Variants in EIF4B observed in about 807,000 individuals in gnomAD.
EIF4B encodes eukaryotic translation initiation factor 4B.
EIF4B carries 8 observed loss-of-function variants against 79.3 expected under a neutral mutation model. That is an observed-to-expected ratio of 0.10 (90% CI 0.06 to 0.18). The LOEUF is 0.18. EIF4B is among the 10% of genes least tolerant of loss of function. The pLI, the probability that EIF4B is intolerant of heterozygous loss-of-function variation, is 1.00. For synonymous variants in EIF4B, 238 were observed against 274.7 expected (o/e 0.87, Z 1.32); for missense variants, 515 against 792.4 (o/e 0.65, Z 4.20).
chr12:53,038,085 C>G (rs1156276289), intron 11 of EIF4B: 1 of 273,504 alleles, frequency 3.7e-6, no homozygotes. Flanking sequence ...TGTGCCATTG[C>G]ACTCCAGCCT....
chr12:53,031,329 T>C (rs1391893188), intron 8 of EIF4B, among the ~76,000 whole-genome samples: 2 of 152,222 alleles, frequency 1.3e-5, no homozygotes, highest in African/African-American at 4.8e-5. Context: ...AGGCTAGAAT[T>C]GCTGTGACAT....
chr12:53,011,374 TC>T (rs1362972123), intron 1 of EIF4B, among the ~76,000 whole-genome samples: 5 of 152,276 alleles, frequency 3.3e-5, no homozygotes, highest in African/African-American at 1.2e-4. Context: ...GACTAACAAT[TC>T]CTTTTCATTT....
Position 53,018,970 on chromosome 12 carries a change from A to G in EIF4B, c.324A>G (p.Thr108=), listed in dbSNP as rs1477604838. 6.2e-7 allele frequency: 1 copy of G among 1,614,010 alleles called. No individual in the cohort carries two copies. The highest frequency in any genetic ancestry group is 1.7e-5 in the Admixed American group (1 of 60,002). ...AFLGNLPYDV[T]EESIKEFFRG... ...TAGGAAACCTACCCTATGATGTTAC[A>G]GAAGAGTCAATTAAGGAATTCTTTC... is the stretch of plus-strand genomic sequence containing the variant. The change falls in exon 3 of 15, where the codon ACA becomes ACG. Residue 108 remains threonine (T), a synonymous_variant. Coordinates refer to ENST00000262056, the MANE Select transcript of EIF4B (RefSeq NM_001417.7).
chr12:53,038,314 C>G lies in EIF4B; in HGVS notation c.1521-42C>G, dbSNP rs780086724. The stretch of plus-strand genomic sequence containing the variant: ...GATTATGTTTCTTGGTTGTTTTCTC[C>G]CTGAAACAACTGATGAATGTGATTA... On this transcript the variant is annotated intron_variant, in intron 11 of 14. Transcript: ENST00000262056. 15 of 1,536,018 alleles carry G rather than the reference C, an allele frequency of 9.8e-6. No homozygotes were observed. In the Admixed American group the frequency reaches 2.9e-4, roughly 30 times the overall value.
In EIF4B at chr12:53,037,572, C is replaced by G. The variant is rs768590668; in HGVS notation, c.1470C>G (p.Asn490Lys). ...ATGCTTGGGTGAAGCGAAGTTCTAA[C>G]CCTCCTGCTCGATCTCAGAGCTCAG... is the stretch of plus-strand genomic sequence containing the variant. ...KENAWVKRSS[N>K]PPARSQSSDT... is the part of the protein sequence containing the mutation. Residue 490 changes from asparagine (N) to lysine (K), a missense_variant, in exon 11 of 15, where the codon AAC (asparagine) becomes AAG (lysine). Coordinates refer to ENST00000262056, the MANE Select transcript of EIF4B (RefSeq NM_001417.7). 6.2e-7 allele frequency: 1 copy of G among 1,614,006 alleles called. No individual in the cohort carries two copies.
At chr12:53,028,240 G>A (rs745698077) in intron 8 of EIF4B, 52 bp downstream of exon 8, 47 of 1,524,472 alleles carry the variant, frequency 3.1e-5, no homozygotes, top group East Asian at 2.0e-4. Flanking sequence ...GGAAAACTAC[G>A]GAAAATTTGT....
intron 1 of EIF4B, among the ~76,000 whole-genome samples, chr12:53,009,708 A>G (rs1943031132): frequency 6.6e-6 from 1 of 152,188 alleles, no homozygotes; most frequent in Non-Finnish European, 1.5e-5. Flanking sequence ...TATATTGCTT[A>G]CAGATTCCCT....
At chr12:53,006,799 C>T (rs982768478) in intron 1 of EIF4B, among the ~76,000 whole-genome samples, 2 of 151,976 alleles carry the variant, frequency 1.3e-5, no homozygotes, top group South Asian at 4.2e-4. Flanking sequence ...GCGGGTGGTG[C>T]GAGGCCTTTT....
At chr12:53,031,657 C>T (rs1256600308) in intron 8 of EIF4B, among the ~76,000 whole-genome samples, 1 of 152,202 alleles carries the variant, frequency 6.6e-6, no homozygotes, top group African/African-American at 2.4e-5. Flanking sequence ...GGCTATAACA[C>T]AGATTTAAAA....
chr12:53,033,724 G>C, intron 8 of EIF4B, 82 bp from the exon 9 acceptor site: 11 of 1,396,662 alleles, frequency 7.9e-6, no homozygotes, highest in Non-Finnish European at 1.1e-5. Flanking sequence ...CATTTCATAG[G>C]AGTTATATCT....
chr12:53,024,175 C>T (rs1592220791), intron 6 of EIF4B, among the ~76,000 whole-genome samples: 1 of 152,110 alleles, frequency 6.6e-6, no homozygotes, highest in South Asian at 2.1e-4. Context: ...ATCACTTTAA[C>T]AAAGACCTTT....
chr12:53,019,445 T>TTTTC, intron 3 of EIF4B, among the ~76,000 whole-genome samples: 1 of 111,272 alleles, frequency 9.0e-6, no homozygotes, highest in African/African-American at 3.8e-5. Context: ...ATATTTTTTT[T>TTTTC]TTTTCTTTTT....
At chr12:53,014,523 C>T (rs1196058302) in intron 1 of EIF4B, 5 of 151,968 alleles carry the variant, frequency 3.3e-5, no homozygotes, top group Admixed American at 3.3e-4. Context: ...CAGAAAATAC[C>T]ATGTTCGTGG....
At position 53,040,913 on chromosome 12, in the gene EIF4B, T is replaced by A. The variant is rs1416681183; in HGVS notation, c.*690T>A. On this transcript the variant is annotated 3_prime_UTR_variant, in exon 15 of 15. Coordinates refer to ENST00000262056, the MANE Select transcript of EIF4B (RefSeq NM_001417.7). The stretch of plus-strand genomic sequence containing the variant: ...TTGAAAAGAAGCTTTTGGGAAGTGA[T>A]GAGTCATTTTGCACCAGGTAATAGG... 3 of 152,110 alleles carry A rather than the reference T, an allele frequency of 2.0e-5. No homozygotes were observed. The highest frequency in any genetic ancestry group is 4.4e-5 in the Non-Finnish European group (3 of 68,020). The allele number at this position is 152,110 out of a possible 1,614,324, so 9.4% of individuals were successfully genotyped here. A position where few individuals can be genotyped will look rare whatever the true frequency, so the allele number is the denominator to read the frequency against.
At chr12:53,021,029 G>A (rs1020642478) in intron 4 of EIF4B, among the ~76,000 whole-genome samples, 3 of 152,096 alleles carry the variant, frequency 2.0e-5, no homozygotes, top group Non-Finnish European at 4.4e-5. Flanking sequence ...TTATAGTGGT[G>A]TTTAATATAG....
chr12:53,026,560 G>A (rs1943338029), intron 6 of EIF4B, among the ~76,000 whole-genome samples: 1 of 152,152 alleles, frequency 6.6e-6, no homozygotes, highest in Non-Finnish European at 1.5e-5. Context: ...ATCTTTTCAT[G>A]CATAGTTCTA....
At chr12:53,008,904 G>A (rs1345331166) in intron 1 of EIF4B, among the ~76,000 whole-genome samples, 2 of 151,888 alleles carry the variant, frequency 1.3e-5, no homozygotes, top group African/African-American at 2.4e-5. Flanking sequence ...GCGTGGTGTC[G>A]CGTGCTTGTA....
At chr12:53,015,680 C>CA (rs35255041) in intron 1 of EIF4B, among the ~76,000 whole-genome samples, 113,242 of 143,586 alleles carry the variant, frequency 0.79, 46,447 homozygotes, top group Non-Finnish European at 0.92. Flanking sequence ...GACCCTGTCT[C>CA]AAAAAAAAAA....
At chr12:53,019,814 T>A in intron 3 of EIF4B, 96 bp from the exon 4 acceptor site, 1 of 1,158,782 alleles carries the variant, frequency 8.6e-7, no homozygotes. Context: ...TTCAGAAAAA[T>A]TCATGCACAT....
Sources: gnomAD v4.1 joint callset for allele counts (sites outside exome capture counted in the v4.1 genomes callset) on GRCh38, gnomAD v4.1.1 for gene constraint, MANE v1.5 for transcripts, NCBI Gene and HGNC (gene_info 2026-07-23, HGNC 2026-07-21) for gene names.